CENPS: variants seen among roughly 807,000 people sequenced by gnomAD.
CENPS encodes centromere protein S.
CENPS carries 16 observed loss-of-function variants against 17.9 expected under a neutral mutation model. The ratio of observed to expected loss-of-function variants is 0.90; its 90% CI spans 0.61 to 1.36. The LOEUF (loss-of-function observed/expected upper bound fraction) is 1.36. Among genes scored for constraint, CENPS ranks in the 40% most tolerant of loss-of-function variants. The pLI, the probability that CENPS is intolerant of heterozygous loss-of-function variation, is 0.00. For missense variants in CENPS, 160 were observed against 158.6 expected (o/e 1.01, Z -0.05); for synonymous variants, 49 against 55.8 (o/e 0.88, Z 0.54).
intron 1 of CENPS, chr1:10,430,987 C>T (rs1639882784): frequency 1.6e-6 from 2 of 1,280,226 alleles, no homozygotes; most frequent in Non-Finnish European, 2.0e-6. Flanking sequence ...GGCGTCGACC[C>T]CTCGTTACTG....
chr1:10,439,019 C>G (rs893319002), intron 3 of CENPS, among the ~76,000 whole-genome samples: 41 of 152,174 alleles, frequency 2.7e-4, no homozygotes, highest in Non-Finnish European at 5.1e-4. Flanking sequence ...TGTCCTGGTC[C>G]TTGCAGGTTG....
rs565631247 is a variant in CENPS, at chr1:10,431,544, T to A, written c.51+976T>A. ...CACTTCGCCTTTACATTTTAATTCTTTAGTACACATCTCCCAAAAACAAGG... is the reference window on the plus strand; with the variant it reads ...CACTTCGCCTTTACATTTTAATTCTATAGTACACATCTCCCAAAAACAAGG... On this transcript the variant is annotated intron_variant, in intron 1 of 4. Transcript: ENST00000309048. 1.7e-4 allele frequency: 197 copies of A among 1,125,838 alleles called. 2 individuals are homozygous for A. In the Middle Eastern group the frequency reaches 9.8e-3, roughly 56 times the overall value. The allele number at this position is 1,125,838 out of a possible 1,614,324, so 69.7% of individuals were successfully genotyped here.
chr1:10,438,676 T>C (rs766672841), intron 3 of CENPS, among the ~76,000 whole-genome samples: 38 of 152,192 alleles, frequency 2.5e-4, no homozygotes, highest in Non-Finnish European at 1.0e-4. Flanking sequence ...GTCTGTGATA[T>C]GCAGTGGCGG....
chr1:10,431,091 C>T (rs1242749970), intron 1 of CENPS: 6 of 1,392,328 alleles, frequency 4.3e-6, no homozygotes, highest in Non-Finnish European at 5.6e-6. Context: ...CGTATCGACT[C>T]GGCCCAGACG....
At chr1:10,436,016 C>T (rs1157126615) in intron 3 of CENPS, among the ~76,000 whole-genome samples, 3 of 150,292 alleles carry the variant, frequency 2.0e-5, no homozygotes, top group Admixed American at 6.6e-5. Flanking sequence ...GTCTCACTCT[C>T]GCCCAGGCGG....
At chr1:10,430,903 G>C in intron 1 of CENPS, 7 of 1,269,630 alleles carry the variant, frequency 5.5e-6, no homozygotes, top group Non-Finnish European at 7.0e-6. Context: ...GTACAACGTC[G>C]GCATTAGACA....
chr1:10,436,922 G>A (rs1181347726), intron 3 of CENPS, among the ~76,000 whole-genome samples: 1 of 152,004 alleles, frequency 6.6e-6, no homozygotes, highest in Admixed American at 6.6e-5. Flanking sequence ...ATACAAAAAA[G>A]CATTGTTTTA....
At chr1:10,437,659 G>C (rs1640228106) in intron 3 of CENPS, among the ~76,000 whole-genome samples, 1 of 150,842 alleles carries the variant, frequency 6.6e-6, no homozygotes, top group African/African-American at 2.4e-5. Flanking sequence ...GTTTCACCAT[G>C]TTGGCCAGGT....
intron 1 of CENPS, 149 bp downstream of exon 1, chr1:10,430,717 C>T (rs1639866818): frequency 1.4e-6 from 2 of 1,415,484 alleles, no homozygotes; most frequent in Middle Eastern, 2.6e-4. Flanking sequence ...TTAACTGCCG[C>T]GGGTGGTGCT....
In CENPS at chr1:10,435,042, C is replaced by T. The variant is rs117637749; in HGVS notation, c.209+352C>T. ...TGCTCAGGGTTTGAGAACATGGTGC[C>T]TGGGGGTGGCCGCCCCTCTGCGGAG... is the stretch of plus-strand genomic sequence containing the variant. On this transcript the variant is annotated intron_variant, in intron 3 of 4. Transcript: ENST00000309048. Among the ~76,000 whole-genome samples the T allele has an allele frequency of 2.2e-3, 332 of 152,242 alleles. 5 individuals are homozygous for T. The highest frequency in any genetic ancestry group is 0.019 in the East Asian group (100 of 5,184).
chr1:10,442,648 T>A lies in CENPS; in HGVS notation c.*243T>A. On this transcript the variant is annotated 3_prime_UTR_variant, in exon 5 of 5. Coordinates refer to ENST00000309048, the MANE Select transcript of CENPS (RefSeq NM_199294.3). ...CACTCCAGAACATAAAAATGGTGTG[T>A]GATCAAATGGTATATATTAGAAATT... 2.0e-6 allele frequency: 1 copy of A among 497,540 alleles called. No individual in the cohort carries two copies. The highest frequency in any genetic ancestry group is 3.1e-6 in the Non-Finnish European group (1 of 327,318). The allele number at this position is 497,540 out of a possible 1,614,324, so 30.8% of individuals were successfully genotyped here. A position where few individuals can be genotyped will look rare whatever the true frequency, so the allele number is the denominator to read the frequency against.
intron 1 of CENPS, chr1:10,431,021 G>T (rs1639884925): frequency 1.5e-6 from 2 of 1,324,896 alleles, no homozygotes; most frequent in Non-Finnish European, 1.9e-6. Flanking sequence ...GTGCGGACCA[G>T]TCAGGCCCAG....
chr1:10,441,541 TG>T (rs1314261542), intron 4 of CENPS, among the ~76,000 whole-genome samples: 2 of 150,790 alleles, frequency 1.3e-5, no homozygotes, highest in Non-Finnish European at 3.0e-5. Flanking sequence ...CTCAAACTCC[TG>T]GGCTCAAATG....
At chr1:10,431,428 C>T in intron 1 of CENPS, 2 of 1,534,420 alleles carry the variant, frequency 1.3e-6, no homozygotes, top group Non-Finnish European at 1.7e-6. Context: ...TGCCCGTCAC[C>T]TTGATTCACC....
At position 10,433,923 on chromosome 1, in the gene CENPS, C is replaced by G. The variant is rs1318117834; in HGVS notation, c.133C>G (p.Gln45Glu). Reference sequence around the variant, plus strand: ...GGACAAAGAGATGCAGTTCAGCAAACAGACCATTGCGGCCATTTCGGAGCT... The same window carrying G: ...GGACAAAGAGATGCAGTTCAGCAAAGAGACCATTGCGGCCATTTCGGAGCT... ...ALDKEMQFSK[Q>E]TIAAISELTF... Residue 45 changes from glutamine to glutamate, a missense_variant, in exon 2 of 5, where the codon CAG (glutamine) becomes GAG (glutamate). Gln to Glu is a conservative substitution (Grantham distance 29). Transcript: ENST00000309048. 2 of 1,614,102 alleles carry G rather than the reference C, an allele frequency of 1.2e-6. No homozygotes were observed. The highest frequency in any genetic ancestry group is 2.7e-5 in the African/African-American group (2 of 74,936).
Position 10,442,484 on chromosome 1 carries a change from G to C in CENPS, c.*79G>C. 1 of 1,440,260 alleles carries C rather than the reference G, an allele frequency of 6.9e-7. No homozygotes were observed. The highest frequency in any genetic ancestry group is 9.1e-7 in the Non-Finnish European group (1 of 1,099,026). 89.2% of individuals were successfully genotyped at this position (1,440,260 alleles called of 1,614,324 possible). On this transcript the variant is annotated 3_prime_UTR_variant, in exon 5 of 5. Transcript: ENST00000309048. ...TGCATATGGCTGCAAAGGAAACTTTGAAGGGTTAAATAGAGATTTAAAAAA... is the reference window on the plus strand; with the variant it reads ...TGCATATGGCTGCAAAGGAAACTTTCAAGGGTTAAATAGAGATTTAAAAAA...
intron 1 of CENPS, 81 bp from the exon 2 acceptor site, chr1:10,433,761 C>G (rs924641411): frequency 1.3e-6 from 2 of 1,594,434 alleles, no homozygotes; most frequent in Admixed American, 1.7e-5. Flanking sequence ...AGCAGACCCT[C>G]TCCTTGGTCT....
intron 3 of CENPS, among the ~76,000 whole-genome samples, chr1:10,438,132 T>TTTTTG (rs926942788): frequency 3.3e-5 from 5 of 152,076 alleles, no homozygotes; most frequent in South Asian, 4.2e-4. Context: ...CCAATCTGAA[T>TTTTTG]TTTTGTTTTG....
intron 3 of CENPS, among the ~76,000 whole-genome samples, chr1:10,435,745 A>ACACACACACACAC (rs1640127568): frequency 1.3e-5 from 2 of 151,476 alleles, no homozygotes; most frequent in East Asian, 1.9e-4. Flanking sequence ...ACATATACAT[A>ACACACACACACAC]AATATTTATA....
Sources: gnomAD v4.1 joint callset for allele counts (sites outside exome capture counted in the v4.1 genomes callset) on GRCh38, gnomAD v4.1.1 for gene constraint, MANE v1.5 for transcripts, NCBI Gene and HGNC (gene_info 2026-07-23, HGNC 2026-07-21) for gene names.